Variants in PATJ observed in about 807,000 individuals in gnomAD.
PATJ encodes PATJ crumbs cell polarity complex component.
In PATJ, 190 loss-of-function variants were observed where a neutral mutation model predicts 224.9. The ratio of observed to expected loss-of-function variants is 0.84; its 90% CI spans 0.75 to 0.95. The LOEUF (loss-of-function observed/expected upper bound fraction) is 0.95. Ranked by LOEUF, PATJ falls within the 40% of genes least tolerant of loss-of-function variation. PATJ has a pLI of 0.00. For missense variants in PATJ, 2,121 were observed against 2,270.3 expected (o/e 0.93, Z 1.34); for synonymous variants, 769 against 820.3 (o/e 0.94, Z 1.07).
chr1:61,881,933 GATTT>G (rs1557813402), intron 21 of PATJ, among the ~76,000 whole-genome samples: 1 of 152,132 alleles, frequency 6.6e-6, no homozygotes, highest in Non-Finnish European at 1.5e-5. Flanking sequence ...ATTAGCTGTA[GATTT>G]CTTTGTTTTT....
intron 6 of PATJ, among the ~76,000 whole-genome samples, chr1:61,772,989 T>C (rs995483322): frequency 6.6e-6 from 1 of 152,186 alleles, no homozygotes; most frequent in South Asian, 2.1e-4. Context: ...TCCCAGATAG[T>C]AGATGTTCTA....
intron 27 of PATJ, among the ~76,000 whole-genome samples, chr1:61,960,288 T>C (rs758749543): frequency 1.3e-5 from 2 of 152,158 alleles, no homozygotes; most frequent in African/African-American, 4.8e-5. Flanking sequence ...ATAATACATA[T>C]GAAATGCAGA....
At chr1:61,877,228 G>A (rs946262553) in intron 21 of PATJ, among the ~76,000 whole-genome samples, 10 of 149,382 alleles carry the variant, frequency 6.7e-5, no homozygotes, top group Non-Finnish European at 1.2e-4. Flanking sequence ...TACTGCTCAC[G>A]TGGTTATTCA....
chr1:61,856,163 C>T lies in PATJ; in HGVS notation c.2246C>T (p.Ser749Leu). The change falls in exon 18 of 44, where the codon TCA (serine) becomes TTA (leucine). Residue 749 changes from serine to leucine, a missense_variant. Transcript: ENST00000642238. ...AATGAATACTGTTTGGACAACACCT[C>T]ACTTGCTGAAGCTGTGGAAATATTG... Reference protein sequence around the residue: ...SVNEYCLDNTSLAEAVEILKA... With the variant: ...SVNEYCLDNTLLAEAVEILKA... 2 of 1,614,160 alleles carry T rather than the reference C, an allele frequency of 1.2e-6. No homozygotes were observed. The highest frequency in any genetic ancestry group is 1.7e-6 in the Non-Finnish European group (2 of 1,180,008).
chr1:61,840,900 CCTTT>C (rs1463846676), intron 17 of PATJ, among the ~76,000 whole-genome samples: 2 of 151,944 alleles, frequency 1.3e-5, no homozygotes, highest in African/African-American at 2.4e-5. Context: ...TAAAATGGAT[CCTTT>C]CTTATGTAGA....
At chr1:61,868,755 C>T (rs547815225) in intron 20 of PATJ, among the ~76,000 whole-genome samples, 4 of 151,926 alleles carry the variant, frequency 2.6e-5, no homozygotes, top group Non-Finnish European at 5.9e-5. Flanking sequence ...CGCCACTGCA[C>T]TCCAGCCTGG....
chr1:61,823,699 T>C (rs1657697706), intron 15 of PATJ, among the ~76,000 whole-genome samples: 1 of 152,212 alleles, frequency 6.6e-6, no homozygotes, highest in African/African-American at 2.4e-5. Flanking sequence ...CCTAGTAGCT[T>C]TAGCCAAGAT....
intron 41 of PATJ, among the ~76,000 whole-genome samples, 184 bp downstream of exon 41, chr1:62,129,129 T>C (rs1462829080): frequency 6.6e-6 from 1 of 152,210 alleles, no homozygotes; most frequent in East Asian, 1.9e-4. Context: ...ATACAGGTAG[T>C]GAGCATGATT....
intron 30 of PATJ, among the ~76,000 whole-genome samples, chr1:62,045,365 A>C (rs1350308235): frequency 1.3e-5 from 2 of 151,116 alleles, no homozygotes; most frequent in Non-Finnish European, 3.0e-5. Context: ...AATTATAGAC[A>C]AATGGTGGAT....
intron 7 of PATJ, among the ~76,000 whole-genome samples, chr1:61,777,290 C>T (rs564412527): frequency 1.9e-4 from 29 of 152,102 alleles, no homozygotes; most frequent in East Asian, 9.7e-4. Flanking sequence ...TAAGGCTGGG[C>T]GTGGTGGCTC....
chr1:61,819,889 T>G (rs1428612590), intron 14 of PATJ, among the ~76,000 whole-genome samples: 1 of 152,192 alleles, frequency 6.6e-6, no homozygotes, highest in Non-Finnish European at 1.5e-5. Flanking sequence ...CTTTGAGTTC[T>G]GATAGAGAGT....
In PATJ at chr1:61,797,323, G is replaced by C; in HGVS notation, c.1297G>C (p.Asp433His). 3.1e-6 allele frequency: 5 copies of C among 1,613,792 alleles called. No individual in the cohort carries two copies. The highest frequency in any genetic ancestry group is 4.2e-6 in the Non-Finnish European group (5 of 1,179,684). Residue 433 changes from aspartate to histidine, a missense_variant, in exon 11 of 44, where the codon GAT becomes CAT. By Grantham distance (81) the Asp-to-His change is moderately conservative. Coordinates refer to ENST00000642238, the MANE Select transcript of PATJ (RefSeq NM_001350145.3). The part of the protein sequence containing the change: ...GVNIQGFANH[D>H]VVEVLRNAGQ... Reference sequence around the variant, plus strand: ...GAACATTCAGGGTTTTGCCAACCATGATGTTGTTGAAGTATTACGAAATGC... The same window carrying C: ...GAACATTCAGGGTTTTGCCAACCATCATGTTGTTGAAGTATTACGAAATGC...
intron 27 of PATJ, among the ~76,000 whole-genome samples, chr1:61,963,535 G>T (rs1198164492): frequency 2.0e-5 from 3 of 152,096 alleles, no homozygotes; most frequent in African/African-American, 4.8e-5. Context: ...GGCAGAGGTT[G>T]CAGTGAGCTG....
intron 3 of PATJ, 24 bp from the exon 4 acceptor site, chr1:61,766,255 A>ATGT (rs1270429085): frequency 1.3e-6 from 2 of 1,502,512 alleles, no homozygotes; most frequent in African/African-American, 2.9e-5. Flanking sequence ...ATTTCTGTTG[A>ATGT]TTCTTTTTTT....
At chr1:62,090,126 T>C (rs1219467496) in intron 33 of PATJ, among the ~76,000 whole-genome samples, 1 of 152,186 alleles carries the variant, frequency 6.6e-6, no homozygotes, top group African/African-American at 2.4e-5. Flanking sequence ...AGATCTCACT[T>C]AGCATCCCAT....
intron 27 of PATJ, among the ~76,000 whole-genome samples, chr1:61,963,226 C>T (rs781683407): frequency 2.4e-4 from 36 of 152,144 alleles, no homozygotes; most frequent in Admixed American, 1.2e-3. Context: ...ATAACACAAC[C>T]AATCAGTTAG....
Position 62,116,653 on chromosome 1 carries a change from C to G in PATJ, c.4777C>G (p.Gln1593Glu), listed in dbSNP as rs757682361. 1.2e-6 allele frequency: 2 copies of G among 1,612,306 alleles called. No individual in the cohort carries two copies. Among genetic ancestry groups the G allele is most frequent in the East Asian group, 4.5e-5 (2 of 44,868 alleles). Residue 1593 changes from glutamine (Q) to glutamate (E), a missense_variant, in exon 36 of 44, where the codon CAG becomes GAG. By Grantham distance (29) the Gln-to-Glu change is conservative (BLOSUM62 2). Coordinates refer to ENST00000642238, the MANE Select transcript of PATJ (RefSeq NM_001350145.3). ...TGGGGAGGACATGAGAAATGCCTCA[C>G]AGGAGACAGTGGCCACCATCCTCAA... ...VNGEDMRNASQETVATILKCA... is the reference protein window; with the variant it reads ...VNGEDMRNASEETVATILKCA...
intron 41 of PATJ, among the ~76,000 whole-genome samples, chr1:62,144,299 A>C (rs1667793658): frequency 6.6e-6 from 1 of 151,926 alleles, no homozygotes; most frequent in Non-Finnish European, 1.5e-5. Context: ...TGTAACTTGG[A>C]CATAGCAGTG....
intron 28 of PATJ, chr1:62,013,495 T>C (rs1394074311): frequency 1.0e-6 from 1 of 985,166 alleles, no homozygotes; most frequent in African/African-American, 1.7e-5. Flanking sequence ...GAGGAGGATG[T>C]TGGCTCCTGC....
Sources: allele counts gnomAD v4.1 joint callset (sites outside exome capture counted in the v4.1 genomes callset), GRCh38; gene constraint gnomAD v4.1.1; transcripts MANE v1.5; gene names NCBI Gene and HGNC (gene_info 2026-07-23, HGNC 2026-07-21).